The following MED26 variants were observed in gnomAD, a reference collection of about 807,000 sequenced individuals.
MED26 encodes the protein mediator complex subunit 26, also known as mediator of RNA polymerase II transcription subunit 26.
MED26 carries 7 observed loss-of-function variants against 43.7 expected under a neutral mutation model. That is an observed-to-expected ratio of 0.16 (90% CI 0.09 to 0.30). The LOEUF is 0.30. MED26 is among the 10% of genes least tolerant of loss of function. The pLI is 1.00. For synonymous variants in MED26, 375 were observed against 371.1 expected (o/e 1.01, Z -0.12); for missense variants, 784 against 840.6 (o/e 0.93, Z 0.83).
In MED26 at chr19:16,583,400, G is replaced by A. The variant is rs146241968; in HGVS notation, c.73-4991C>T. ...TCCTTAACCATCAACGAAGACAGGC[G>A]TTGCCTCCCCTTTCTACCAACACTG... On this transcript the variant is annotated intron_variant, in intron 1 of 2. Coordinates refer to ENST00000263390, the MANE Select transcript of MED26 (RefSeq NM_004831.5). Among the ~76,000 whole-genome samples, 436 of 152,236 alleles carry A rather than the reference G, an allele frequency of 2.9e-3. 2 individuals carry two copies. The highest frequency in any genetic ancestry group is 5.4e-3 in the Admixed American group (82 of 15,298).
At chr19:16,581,184 T>C (rs568109241) in intron 1 of MED26, among the ~76,000 whole-genome samples, 1 of 143,982 alleles carries the variant, frequency 6.9e-6, no homozygotes, top group Admixed American at 7.1e-5. Flanking sequence ...ATTTGCTCTT[T>C]GGCAACAACG....
Position 16,628,061 on chromosome 19 carries a change from CG to C in MED26, c.-119del, listed in dbSNP as rs2086291761. 1.3e-5 allele frequency: 7 copies of C among 555,420 alleles called. No individual in the cohort carries two copies. The highest frequency in any genetic ancestry group is 4.0e-5 in the African/African-American group (2 of 50,566). 34.4% of individuals were successfully genotyped at this position (555,420 alleles called of 1,614,324 possible). A position where few individuals can be genotyped will look rare whatever the true frequency, so the allele number is the denominator to read the frequency against. ...CGGAGCCGCATGTTCCCCGCGGCGC[CG>C]GGGGGTTGGGGGCGCGCGGGGTGGC... On this transcript the variant is annotated 5_prime_UTR_variant, in exon 1 of 3. Transcript: ENST00000263390.
Position 16,576,477 on chromosome 19 carries a change from C to T in MED26, c.1353G>A (p.Met451Ile), listed in dbSNP as rs756905000. 1.9e-6 allele frequency: 3 copies of T among 1,614,062 alleles called. No individual in the cohort carries two copies. The highest frequency in any genetic ancestry group is 3.3e-5 in the Admixed American group (2 of 60,000). ...CCAGCTCTGTCCTGGACTGCTGCTC[C>T]ATGTGCACAGGGCTGTCTGCCCGCA... ...EPVRADSPVH[M>I]EQQSRTELDK... The change falls in exon 3 of 3, where the codon ATG becomes ATA. Residue 451 changes from methionine to isoleucine, a missense_variant. Physicochemically the swap from Met to Ile is conservative, Grantham distance 10 (BLOSUM62 1). This residue lies in a region of MED26 where 719 missense variants were observed against 730.9 expected (regional missense o/e 0.98). Transcript: ENST00000263390. This position sits in a 1 kb window ranked among gnomAD's most constrained non-coding sequence, Gnocchi z 6.8.
chr19:16,619,661 C>T (rs1247332368), intron 1 of MED26, among the ~76,000 whole-genome samples: 1 of 152,130 alleles, frequency 6.6e-6, no homozygotes, highest in East Asian at 1.9e-4. Context: ...CGGTGTGGGC[C>T]ATGGGTCACA....
At chr19:16,616,171 C>A (rs1210674061) in intron 1 of MED26, among the ~76,000 whole-genome samples, 3 of 152,218 alleles carry the variant, frequency 2.0e-5, no homozygotes, top group Non-Finnish European at 4.4e-5. Context: ...TATTAGGTAG[C>A]ATGCATGTGA....
At position 16,604,011 on chromosome 19, in the gene MED26, T is replaced by A. The variant is rs114186609; in HGVS notation, c.72+23861A>T. On this transcript the variant is annotated intron_variant, in intron 1 of 2. Coordinates refer to ENST00000263390, the MANE Select transcript of MED26 (RefSeq NM_004831.5). ...GGCAGACCTAAGCACAAGTAGAGGC[T>A]CCCCTGGGTGCACAGGGAGACATTC... Among the ~76,000 whole-genome samples, 892 of 152,248 alleles carry A rather than the reference T, an allele frequency of 5.9e-3. 5 individuals carry two copies. Among genetic ancestry groups the A allele is most frequent in the African/African-American group, 0.02 (836 of 41,526 alleles).
intron 1 of MED26, among the ~76,000 whole-genome samples, chr19:16,585,807 G>C (rs1297932054): frequency 6.6e-6 from 1 of 152,224 alleles, no homozygotes; most frequent in Non-Finnish European, 1.5e-5. Context: ...TTGGGCCACG[G>C]CATGTGTCCG....
intron 1 of MED26, among the ~76,000 whole-genome samples, chr19:16,607,033 T>C (rs1167390302): frequency 6.6e-6 from 1 of 152,056 alleles, no homozygotes; most frequent in Admixed American, 6.6e-5. Context: ...TCAGCTGCTA[T>C]TTATCTCCTG....
chr19:16,622,692 C>T (rs1306370396), intron 1 of MED26, among the ~76,000 whole-genome samples: 1 of 152,204 alleles, frequency 6.6e-6, no homozygotes, highest in Non-Finnish European at 1.5e-5. Context: ...ACAACCAGCT[C>T]CTGGTCCCCA....
chr19:16,612,771 C>T (rs556363294), intron 1 of MED26, among the ~76,000 whole-genome samples: 13 of 152,326 alleles, frequency 8.5e-5, no homozygotes, highest in Admixed American at 3.3e-4. Context: ...GCACCTCTTC[C>T]AAGGAAGAGG....
chr19:16,627,621 C>T (rs1230423125), intron 1 of MED26, among the ~76,000 whole-genome samples: 1 of 152,232 alleles, frequency 6.6e-6, no homozygotes, highest in East Asian at 1.9e-4. Flanking sequence ...AAAACTCTAG[C>T]CTCAGCTCCC....
intron 1 of MED26, among the ~76,000 whole-genome samples, chr19:16,623,786 C>T (rs2086261778): frequency 6.6e-6 from 1 of 152,208 alleles, no homozygotes; most frequent in Non-Finnish European, 1.5e-5. Context: ...TGGTGGTGTT[C>T]AGAGTTGAAA....
chr19:16,606,563 T>A (rs1338733014), intron 1 of MED26, among the ~76,000 whole-genome samples: 2 of 151,898 alleles, frequency 1.3e-5, no homozygotes, highest in Admixed American at 6.6e-5. Flanking sequence ...AAAATAAAAA[T>A]AAAATAAAAA....
chr19:16,577,716 G>A lies in MED26; in HGVS notation c.148-34C>T, dbSNP rs887621504. ...AGAGGGAGATGATGACATACTTTCGGGACAGGAACTTCTCCATGAGCTGAG... is the reference window on the plus strand; with the variant it reads ...AGAGGGAGATGATGACATACTTTCGAGACAGGAACTTCTCCATGAGCTGAG... On this transcript the variant is annotated intron_variant, in intron 2 of 2. Coordinates refer to ENST00000263390, the MANE Select transcript of MED26 (RefSeq NM_004831.5). This position sits in a 1 kb window ranked among gnomAD's most constrained non-coding sequence, Gnocchi z 8.1. 1.3e-6 allele frequency: 2 copies of A among 1,507,836 alleles called. No individual in the cohort carries two copies. The highest frequency in any genetic ancestry group is 1.8e-6 in the Non-Finnish European group (2 of 1,117,154). The allele number at this position is 1,507,836 out of a possible 1,614,324, so 93.4% of individuals were successfully genotyped here.
intron 1 of MED26, among the ~76,000 whole-genome samples, chr19:16,614,364 CA>C (rs2086213273): frequency 6.6e-6 from 1 of 151,978 alleles, no homozygotes; most frequent in Admixed American, 6.6e-5. Context: ...CCCAACTCTA[CA>C]AAAATTACAA....
intron 1 of MED26, among the ~76,000 whole-genome samples, chr19:16,585,761 C>A (rs933518637): frequency 6.6e-6 from 1 of 152,232 alleles, no homozygotes; most frequent in African/African-American, 2.4e-5. Context: ...CGTGGAATCA[C>A]CTTTCAAACC....
At chr19:16,594,424 TCA>T (rs960407443) in intron 1 of MED26, among the ~76,000 whole-genome samples, 2 of 152,208 alleles carry the variant, frequency 1.3e-5, no homozygotes, top group African/African-American at 4.8e-5. Flanking sequence ...CACGCGCATC[TCA>T]CAAGTGGGGA....
chr19:16,575,991 G>A lies in MED26; in HGVS notation c.*36C>T, dbSNP rs761088435. On this transcript the variant is annotated 3_prime_UTR_variant, in exon 3 of 3. Transcript: ENST00000263390. ...CTGCCTGCCCGCCCACCCGGCTTCT[G>A]CAAGATGGGAATGCACTTTGTGGCT... 1.3e-6 allele frequency: 2 copies of A among 1,576,436 alleles called. No individual in the cohort carries two copies. Among genetic ancestry groups the A allele is most frequent in the Non-Finnish European group, 1.7e-6 (2 of 1,154,932 alleles).
At chr19:16,590,644 T>C (rs1457009017) in intron 1 of MED26, among the ~76,000 whole-genome samples, 1 of 152,218 alleles carries the variant, frequency 6.6e-6, no homozygotes, top group Non-Finnish European at 1.5e-5. Context: ...TTTGCTACCT[T>C]GATTGTGGTG....
Sources: gnomAD v4.1 joint callset for allele counts (sites outside exome capture counted in the v4.1 genomes callset) on GRCh38, gnomAD v4.1.1 for gene constraint, gnomAD v4.1.1 regional missense constraint, Gnocchi (gnomAD v3.1) non-coding constraint, MANE v1.5 for transcripts, NCBI Gene and HGNC (gene_info 2026-07-23, HGNC 2026-07-21) for gene names.